The following SLC9A9 variants were observed in gnomAD, a reference collection of about 807,000 sequenced individuals.
The protein encoded by SLC9A9 is solute carrier family 9 member A9, also known as sodium/hydrogen exchanger 9.
SLC9A9 carries 62 observed loss-of-function variants against 77.8 expected under a neutral mutation model. That is an observed-to-expected ratio of 0.80 (90% CI 0.65 to 0.98). The LOEUF (loss-of-function observed/expected upper bound fraction) is 0.98, where lower values mean the gene tolerates loss of function less well. Ranked by LOEUF, SLC9A9 falls within the 50% of genes least tolerant of loss-of-function variation. The pLI, the probability that SLC9A9 is intolerant of heterozygous loss-of-function variation, is 0.00. For synonymous variants in SLC9A9, 320 were observed against 283.5 expected, an observed-to-expected ratio of 1.13 and a Z score of -1.29; for missense variants, 775 against 774.9, an observed-to-expected ratio of 1.00 and a Z score of 0.00.
intron 14 of SLC9A9, among the ~76,000 whole-genome samples, chr3:143,357,297 C>A (rs952230596): frequency 2.6e-5 from 4 of 152,122 alleles, no homozygotes; most frequent in Non-Finnish European, 5.9e-5. Flanking sequence ...ATGCTAGGGA[C>A]CACCTGTGAT....
At chr3:143,826,953 T>C (rs1377302515) in intron 2 of SLC9A9, among the ~76,000 whole-genome samples, 1 of 152,208 alleles carries the variant, frequency 6.6e-6, no homozygotes, top group Non-Finnish European at 1.5e-5. Context: ...TTTATTCATA[T>C]GCTATGTTTT....
At chr3:143,588,071 T>C (rs2037576299) in intron 6 of SLC9A9, among the ~76,000 whole-genome samples, 1 of 152,206 alleles carries the variant, frequency 6.6e-6, no homozygotes, top group Non-Finnish European at 1.5e-5. Context: ...TTCAAAATTT[T>C]CTAATTCTTA....
chr3:143,743,299 A>T (rs1202594976), intron 4 of SLC9A9, among the ~76,000 whole-genome samples: 1 of 149,242 alleles, frequency 6.7e-6, no homozygotes, highest in Non-Finnish European at 1.5e-5. Flanking sequence ...AGACAGACAG[A>T]TAGATAGATG....
At position 143,331,141 on chromosome 3, in the gene SLC9A9, A is replaced by G. The variant is rs552771667; in HGVS notation, c.1604+32343T>C. Among the ~76,000 whole-genome samples the G allele has an allele frequency of 1.6e-4, 24 of 152,294 alleles. 1 individual carries two copies. The East Asian group carries it at 4.6e-3, about 29-fold the overall frequency. On this transcript the variant is annotated intron_variant, in intron 14 of 15. Transcript: ENST00000316549. ...TCTGTATAACATTAACTGATTAGAGACAATCCTGAGCATTCCCTGAGCATT... is the reference window on the plus strand; with the variant it reads ...TCTGTATAACATTAACTGATTAGAGGCAATCCTGAGCATTCCCTGAGCATT...
intron 1 of SLC9A9, among the ~76,000 whole-genome samples, chr3:143,837,392 T>A (rs934927127): frequency 5.1e-4 from 78 of 152,200 alleles, no homozygotes; most frequent in Admixed American, 5.0e-3. Flanking sequence ...GCAAATGTAG[T>A]TACCACATGA....
chr3:143,423,072 A>G (rs2034330014), intron 12 of SLC9A9, among the ~76,000 whole-genome samples: 1 of 152,152 alleles, frequency 6.6e-6, no homozygotes, highest in Non-Finnish European at 1.5e-5. Context: ...TCACTGCCAG[A>G]GAAGGGAGTT....
In SLC9A9 at chr3:143,785,657, T is replaced by A. The variant is rs114601653; in HGVS notation, c.533+9344A>T. Among the ~76,000 whole-genome samples the A allele has an allele frequency of 9.7e-3, 1,474 of 151,942 alleles. 19 individuals are homozygous for A. The highest frequency in any genetic ancestry group is 0.033 in the African/African-American group (1,375 of 41,452). ...TAGGTAACTGATATACTCCCCTGATTTTTTTTTACCTCTTATCTGAATGGA... is the reference window on the plus strand; with the variant it reads ...TAGGTAACTGATATACTCCCCTGATATTTTTTTACCTCTTATCTGAATGGA... On this transcript the variant is annotated intron_variant, in intron 4 of 15. Transcript: ENST00000316549.
chr3:143,726,051 A>T (rs1204347454), intron 4 of SLC9A9, among the ~76,000 whole-genome samples: 1 of 151,984 alleles, frequency 6.6e-6, no homozygotes, highest in Admixed American at 6.6e-5. Flanking sequence ...TTACTGTATA[A>T]TTTTTACAGT....
intron 13 of SLC9A9, among the ~76,000 whole-genome samples, chr3:143,364,674 G>A (rs1291843490): frequency 1.3e-5 from 2 of 152,208 alleles, no homozygotes; most frequent in Non-Finnish European, 2.9e-5. Context: ...ACCAGTAGAT[G>A]CTTCCGTTCT....
intron 4 of SLC9A9, among the ~76,000 whole-genome samples, chr3:143,731,373 T>G (rs1323919151): frequency 6.6e-6 from 1 of 152,192 alleles, no homozygotes; most frequent in Non-Finnish European, 1.5e-5. Context: ...GAGTTTGAAC[T>G]CTACTGCTCC....
chr3:143,784,694 A>G (rs1364303042), intron 4 of SLC9A9, among the ~76,000 whole-genome samples: 1 of 152,102 alleles, frequency 6.6e-6, no homozygotes, highest in Non-Finnish European at 1.5e-5. Flanking sequence ...TCTTACCTTG[A>G]TATCTCTGAA....
intron 4 of SLC9A9, among the ~76,000 whole-genome samples, chr3:143,713,147 G>T (rs1934241434): frequency 6.6e-6 from 1 of 152,308 alleles, no homozygotes; most frequent in East Asian, 1.9e-4. Flanking sequence ...GAAGTGACAA[G>T]AGAAGATGAA....
chr3:143,652,218 A>G, intron 6 of SLC9A9, 37 bp downstream of exon 6: 2 of 1,481,378 alleles, frequency 1.4e-6, no homozygotes, highest in South Asian at 1.2e-5. Flanking sequence ...CATATTTCAC[A>G]TGATTAAAGA....
chr3:143,635,172 C>T (rs1215345425), intron 6 of SLC9A9, among the ~76,000 whole-genome samples: 2 of 152,212 alleles, frequency 1.3e-5, no homozygotes, highest in African/African-American at 4.8e-5. Context: ...GGATCGCCCA[C>T]ATGTCTGGCA....
In SLC9A9 at chr3:143,266,189, C is replaced by G; in HGVS notation, c.*513G>C. 1.5e-6 allele frequency: 1 copy of G among 679,354 alleles called. No individual in the cohort carries two copies. The highest frequency in any genetic ancestry group is 2.7e-6 in the Non-Finnish European group (1 of 375,248). The allele number at this position is 679,354 out of a possible 1,614,324, so 42.1% of individuals were successfully genotyped here. On this transcript the variant is annotated 3_prime_UTR_variant, in exon 16 of 16. Transcript: ENST00000316549. The stretch of plus-strand genomic sequence containing the variant: ...ACGGAACACTTCTCTGGGCTCTGCC[C>G]TGGGGTCACTGAGAGCAAATGGGAG...
At position 143,796,582 on chromosome 3, in the gene SLC9A9, T is replaced by A. The variant is rs527633263; in HGVS notation, c.456+244A>T. On this transcript the variant is annotated intron_variant, in intron 3 of 15. Transcript: ENST00000316549. ...GTGTATTTTACACTTAAAGAACATC[T>A]CGATTCAGACAAGACGCATTTCAAG... Among the ~76,000 whole-genome samples, 20 of 152,284 alleles carry A rather than the reference T, an allele frequency of 1.3e-4. No individual in the cohort carries two copies. The South Asian group carries it at 4.1e-3, about 32-fold the overall frequency.
intron 2 of SLC9A9, among the ~76,000 whole-genome samples, chr3:143,814,044 TA>T (rs2008939427): frequency 2.6e-5 from 4 of 152,114 alleles, no homozygotes; most frequent in Admixed American, 6.5e-5. Context: ...TGTGTTTCCT[TA>T]AAATAAGCCA....
Position 143,655,681 on chromosome 3 carries a change from TACACACAC to T in SLC9A9, c.650-3329_650-3322del, listed in dbSNP as rs4024568. 794 of 626,878 alleles carry T rather than the reference TACACACAC, an allele frequency of 1.3e-3. 1 individual carries two copies. Among genetic ancestry groups the T allele is most frequent in the Non-Finnish European group, 1.4e-3 (693 of 506,412 alleles). 38.8% of individuals were successfully genotyped at this position (626,878 alleles called of 1,614,324 possible). A position where few individuals can be genotyped will look rare whatever the true frequency, so the allele number is the denominator to read the frequency against. ...GCTCAAGGAGATGAACATGCACATG[TACACACAC>T]ACACACACACACACACACACACAAA... On this transcript the variant is annotated intron_variant, in intron 5 of 15. Coordinates refer to ENST00000316549, the MANE Select transcript of SLC9A9 (RefSeq NM_173653.4).
chr3:143,451,668 G>T (rs1380919482), intron 12 of SLC9A9, among the ~76,000 whole-genome samples: 1 of 152,008 alleles, frequency 6.6e-6, no homozygotes, highest in Non-Finnish European at 1.5e-5. Context: ...CCTGCTTAAT[G>T]CTTACAAAAA....
Sources: allele counts gnomAD v4.1 joint callset (sites outside exome capture counted in the v4.1 genomes callset), GRCh38; gene constraint gnomAD v4.1.1; transcripts MANE v1.5; gene names NCBI Gene and HGNC (gene_info 2026-07-23, HGNC 2026-07-21).